The following CXCL13 variants were observed in gnomAD, a reference collection of about 807,000 sequenced individuals.
CXCL13 encodes C-X-C motif chemokine 13.
Under a neutral mutation model 12.2 loss-of-function variants are expected in CXCL13, and 7 were observed. That is an observed-to-expected ratio of 0.57 (90% CI 0.33 to 1.07). The LOEUF (loss-of-function observed/expected upper bound fraction) is 1.07, where lower values mean the gene tolerates loss of function less well. Ranked by LOEUF, CXCL13 falls within the 50% of genes least tolerant of loss-of-function variation. The probability of loss-of-function intolerance (pLI) is 0.04; values close to 1 mark genes in which losing one functional copy is unlikely to be tolerated. For missense variants in CXCL13, 113 were observed against 127.4 expected, an observed-to-expected ratio of 0.89 and a Z score of 0.55; for synonymous variants, 47 against 42.4, an observed-to-expected ratio of 1.11 and a Z score of -0.42.
chr4:77,589,802 C>A (rs575606252), intron 1 of CXCL13, among the ~76,000 whole-genome samples: 1 of 152,236 alleles, frequency 6.6e-6, no homozygotes, highest in East Asian at 1.9e-4. Flanking sequence ...TTCAACTGGC[C>A]CAAGCTGTCT....
intron 1 of CXCL13, among the ~76,000 whole-genome samples, chr4:77,541,799 C>T (rs1331835750): frequency 6.6e-6 from 1 of 152,046 alleles, no homozygotes; most frequent in African/African-American, 2.4e-5. Flanking sequence ...CTGTACATTG[C>T]TTTGTGTGGT....
In CXCL13 at chr4:77,607,806, T is replaced by C; in HGVS notation, c.168T>C (p.Arg56=). Residue 56 remains arginine, a synonymous_variant, in exon 2 of 4, where the codon CGT becomes CGC. Transcript: ENST00000682537. ...TTGATCGAATTCAAATCTTGCCCCG[T>C]GGGAATGGTTGTCCAAGAAAAGAAA... ...RFIDRIQILP[R]GNGCPRKEII... 6.2e-7 allele frequency: 1 copy of C among 1,614,036 alleles called. No homozygotes were observed. Among genetic ancestry groups the C allele is most frequent in the Non-Finnish European group, 8.5e-7 (1 of 1,179,964 alleles).
chr4:77,607,036 A>G (rs1311984182), intron 1 of CXCL13, among the ~76,000 whole-genome samples: 1 of 152,238 alleles, frequency 6.6e-6, no homozygotes, highest in Non-Finnish European at 1.5e-5. Flanking sequence ...CCAACATATC[A>G]AACAAAAACG....
At chr4:77,592,346 G>C in intron 1 of CXCL13, among the ~76,000 whole-genome samples, 1 of 152,112 alleles carries the variant, frequency 6.6e-6, no homozygotes, top group East Asian at 1.9e-4. Flanking sequence ...ACAAATACAT[G>C]TTCTCACTTA....
intron 1 of CXCL13, among the ~76,000 whole-genome samples, chr4:77,595,452 A>C (rs1200584506): frequency 1.3e-5 from 2 of 152,240 alleles, no homozygotes; most frequent in African/African-American, 4.8e-5. Flanking sequence ...ATCTGAAGGC[A>C]AGAACAGAGC....
intron 1 of CXCL13, among the ~76,000 whole-genome samples, chr4:77,515,631 T>A (rs955070729): frequency 1.8e-4 from 28 of 152,200 alleles, no homozygotes; most frequent in Non-Finnish European, 2.4e-4. Context: ...TGTATAAGAA[T>A]GCTTGTGATT....
intron 1 of CXCL13, among the ~76,000 whole-genome samples, chr4:77,513,808 T>C (rs1442523631): frequency 6.6e-6 from 1 of 150,660 alleles, no homozygotes; most frequent in South Asian, 2.1e-4. Flanking sequence ...GTATCTCTTT[T>C]TTTTTTTTTT....
chr4:77,535,611 C>A (rs1351929704), intron 1 of CXCL13, among the ~76,000 whole-genome samples: 1 of 152,074 alleles, frequency 6.6e-6, no homozygotes, highest in African/African-American at 2.4e-5. Flanking sequence ...GTGCATCCAC[C>A]TGCTTCTTGG....
chr4:77,550,264 A>G (rs1370594904), intron 1 of CXCL13, among the ~76,000 whole-genome samples: 1 of 152,184 alleles, frequency 6.6e-6, no homozygotes. Context: ...TTCCTTGGCT[A>G]GGAAAGGGAA....
At chr4:77,595,098 ATTT>A (rs58429511) in intron 1 of CXCL13, among the ~76,000 whole-genome samples, 28 of 141,372 alleles carry the variant, frequency 2.0e-4, no homozygotes, top group Middle Eastern at 3.8e-3. Flanking sequence ...GTTTTAGGTG[ATTT>A]TTTTTTTTTT....
chr4:77,587,828 C>G (rs1003648581), intron 1 of CXCL13, among the ~76,000 whole-genome samples: 2 of 152,330 alleles, frequency 1.3e-5, no homozygotes, highest in South Asian at 2.1e-4. Flanking sequence ...CTGTCTGGTA[C>G]GTTACCCTGC....
At chr4:77,530,457 T>C (rs1724882670) in intron 1 of CXCL13, among the ~76,000 whole-genome samples, 1 of 152,196 alleles carries the variant, frequency 6.6e-6, no homozygotes. Context: ...TTTCAGAGCC[T>C]GTTATTGTCT....
intron 1 of CXCL13, among the ~76,000 whole-genome samples, chr4:77,570,621 C>G (rs748105938): frequency 6.6e-6 from 1 of 152,222 alleles, no homozygotes. Context: ...TCTGGGCTGG[C>G]CAAGGCCAGA....
chr4:77,518,005 G>A (rs1724473614), intron 1 of CXCL13, among the ~76,000 whole-genome samples: 1 of 151,374 alleles, frequency 6.6e-6, no homozygotes, highest in Non-Finnish European at 1.5e-5. Flanking sequence ...CAGGCCTGGT[G>A]GTGACATTTG....
intron 1 of CXCL13, among the ~76,000 whole-genome samples, chr4:77,540,499 G>T (rs143130439): frequency 2.2e-4 from 34 of 152,174 alleles, no homozygotes; most frequent in African/African-American, 7.2e-4. Context: ...GCTCCCACTT[G>T]TAAGAAGTGA....
intron 1 of CXCL13, among the ~76,000 whole-genome samples, chr4:77,524,845 C>A (rs1019576591): frequency 2.0e-5 from 3 of 152,188 alleles, no homozygotes; most frequent in African/African-American, 7.2e-5. Context: ...CCTATTCAGC[C>A]ATCTTGGAAC....
chr4:77,553,790 C>A (rs1578051118), intron 1 of CXCL13, among the ~76,000 whole-genome samples: 1 of 152,264 alleles, frequency 6.6e-6, no homozygotes, highest in East Asian at 1.9e-4. Flanking sequence ...ATGCTGAAAG[C>A]CTCTAATCCA....
chr4:77,596,270 T>C (rs1162788386), intron 1 of CXCL13, among the ~76,000 whole-genome samples: 4 of 152,190 alleles, frequency 2.6e-5, no homozygotes, highest in Non-Finnish European at 5.9e-5. Flanking sequence ...AGTAAGACCA[T>C]CTCTGTATCA....
intron 1 of CXCL13, among the ~76,000 whole-genome samples, chr4:77,594,823 G>A (rs189056160): frequency 1.4e-3 from 206 of 152,320 alleles, no homozygotes; most frequent in African/African-American, 4.6e-3. Flanking sequence ...ATACCTAGGT[G>A]ATGGGTTGAT....
Sources: allele counts gnomAD v4.1 joint callset (sites outside exome capture counted in the v4.1 genomes callset), GRCh38; gene constraint gnomAD v4.1.1; transcripts MANE v1.5; gene names NCBI Gene and HGNC (gene_info 2026-07-23, HGNC 2026-07-21).